The following SNX8 variants were observed in gnomAD, a reference collection of about 807,000 sequenced individuals.
The protein encoded by SNX8 is sorting nexin-8.
In SNX8, 25 loss-of-function variants were observed where a neutral mutation model predicts 51.6. The observed-to-expected ratio is 0.48, with a 90% confidence interval of 0.35 to 0.68. The LOEUF (loss-of-function observed/expected upper bound fraction) is 0.68, where lower values mean the gene tolerates loss of function less well. Among genes scored for constraint, SNX8 ranks in the 30% least tolerant of loss-of-function variants. The pLI is 0.00. For synonymous variants in SNX8, 324 were observed against 277.0 expected, an observed-to-expected ratio of 1.17 and a Z score of -1.68; for missense variants, 695 against 624.0, an observed-to-expected ratio of 1.11 and a Z score of -1.21.
intron 1 of SNX8, among the ~76,000 whole-genome samples, chr7:2,332,308 T>C (rs6945864): frequency 0.42 from 63,795 of 151,600 alleles, 15,556 homozygotes; most frequent in East Asian, 0.64. Context: ...GATATTTACA[T>C]TGACATATTA....
rs147853805 is a variant in SNX8, at chr7:2,295,592, CAAAAAA to C, written c.95-17293_95-17288del. 5.2e-3 allele frequency among the ~76,000 whole-genome samples: 489 copies of C among 93,528 alleles called. 2 individuals carry two copies. The highest frequency in any genetic ancestry group is 0.022 in the African/African-American group (460 of 20,800). 61.4% of individuals were successfully genotyped at this position (93,528 alleles called of 152,430 possible). A position where few individuals can be genotyped will look rare whatever the true frequency, so the allele number is the denominator to read the frequency against. On this transcript the variant is annotated intron_variant, in intron 1 of 10. Coordinates refer to ENST00000222990, the MANE Select transcript of SNX8 (RefSeq NM_013321.4). ...TGGTGGCAGGCGCCTGTAATCCCAG[CAAAAAA>C]AAAAAAAAAAAAAAAAAAAAGGAAA...
At chr7:2,288,866 G>C (rs561956405) in intron 1 of SNX8, among the ~76,000 whole-genome samples, 1 of 152,234 alleles carries the variant, frequency 6.6e-6, no homozygotes, top group South Asian at 2.1e-4. Context: ...CCTGAGTGTA[G>C]CTGGGACCAC....
At chr7:2,260,055 A>G (rs1468556943) in intron 7 of SNX8, among the ~76,000 whole-genome samples, 1 of 152,118 alleles carries the variant, frequency 6.6e-6, no homozygotes, top group African/African-American at 2.4e-5. Context: ...GAAGGTAGGT[A>G]GGTCTGTGTG....
At chr7:2,305,837 T>C (rs1404448039) in intron 1 of SNX8, among the ~76,000 whole-genome samples, 1 of 151,814 alleles carries the variant, frequency 6.6e-6, no homozygotes, top group Non-Finnish European at 1.5e-5. Flanking sequence ...TCCCAGCACT[T>C]TGGGAGGCCG....
chr7:2,272,607 C>T (rs2115124036), intron 3 of SNX8, among the ~76,000 whole-genome samples: 1 of 152,218 alleles, frequency 6.6e-6, no homozygotes, highest in South Asian at 2.1e-4. Context: ...AACTCCTGAC[C>T]TCAGGTGATC....
At chr7:2,279,815 C>A (rs1269316995) in intron 1 of SNX8, among the ~76,000 whole-genome samples, 1 of 150,588 alleles carries the variant, frequency 6.6e-6, no homozygotes, top group East Asian at 1.9e-4. Context: ...GCTCACGAAT[C>A]AGCAAGTACA....
chr7:2,324,770 T>TG (rs920056170), intron 1 of SNX8, among the ~76,000 whole-genome samples: 10 of 152,276 alleles, frequency 6.6e-5, no homozygotes, highest in Admixed American at 1.3e-4. Flanking sequence ...GCATTTGCCC[T>TG]GTGTTATAAA....
intron 1 of SNX8, among the ~76,000 whole-genome samples, chr7:2,290,542 G>A (rs1796128028): frequency 6.6e-6 from 1 of 152,138 alleles, no homozygotes; most frequent in South Asian, 2.1e-4. Flanking sequence ...ACAGTGCCCA[G>A]CACATAATAG....
upstream of SNX8, among the ~76,000 whole-genome samples, chr7:2,317,650 G>A (rs1384790405): frequency 6.6e-6 from 1 of 151,918 alleles, no homozygotes; most frequent in Non-Finnish European, 1.5e-5. Context: ...CCAGAACCAT[G>A]TCAGTTCCTA....
intron 1 of SNX8, among the ~76,000 whole-genome samples, chr7:2,353,251 G>A (rs1779200703): frequency 6.6e-6 from 1 of 152,086 alleles, no homozygotes; most frequent in Admixed American, 6.6e-5. Context: ...CTGCGCGGTG[G>A]TTCACGCTTG....
intron 1 of SNX8, among the ~76,000 whole-genome samples, chr7:2,308,347 G>C (rs1011498152): frequency 1.3e-5 from 2 of 151,856 alleles, no homozygotes; most frequent in Non-Finnish European, 2.9e-5. Context: ...ATAAAAATAA[G>C]TTTGCTCATC....
At chr7:2,344,583 G>T (rs182076697) in intron 1 of SNX8, among the ~76,000 whole-genome samples, 19 of 144,710 alleles carry the variant, frequency 1.3e-4, no homozygotes, top group African/African-American at 4.9e-4. Flanking sequence ...CTGCACTCCA[G>T]CCTGGGTGAC....
At chr7:2,305,323 TCTTAGGAAC>T (rs1248054364) in intron 1 of SNX8, among the ~76,000 whole-genome samples, 3 of 152,178 alleles carry the variant, frequency 2.0e-5, no homozygotes, top group African/African-American at 7.2e-5. Context: ...TACAAAATTA[TCTTAGGAAC>T]CTCAGGTTTT....
intron 1 of SNX8, among the ~76,000 whole-genome samples, chr7:2,335,482 CAAT>C (rs1437755062): frequency 6.6e-6 from 1 of 151,208 alleles, no homozygotes; most frequent in African/African-American, 2.4e-5. Context: ...GAGCCCATCT[CAAT>C]AAAAAAAAGA....
At chr7:2,292,242 AAC>A (rs1203411678) in intron 1 of SNX8, among the ~76,000 whole-genome samples, 1 of 151,924 alleles carries the variant, frequency 6.6e-6, no homozygotes, top group African/African-American at 2.4e-5. Flanking sequence ...CAGCCTGGGC[AAC>A]ACAGTGAGAC....
intron 2 of SNX8, among the ~76,000 whole-genome samples, chr7:2,276,241 C>T (rs1183360550): frequency 2.0e-5 from 3 of 152,206 alleles, no homozygotes; most frequent in Non-Finnish European, 4.4e-5. Context: ...CCCAGGCTGC[C>T]AGGCCCCAGA....
intron 1 of SNX8, among the ~76,000 whole-genome samples, chr7:2,347,922 G>A (rs1286480999): frequency 3.9e-5 from 6 of 152,188 alleles, no homozygotes; most frequent in Middle Eastern, 3.4e-3. Flanking sequence ...GATTACAGGC[G>A]TGAGCCACCA....
intron 1 of SNX8, among the ~76,000 whole-genome samples, chr7:2,304,913 G>A (rs145145188): frequency 2.6e-5 from 4 of 152,250 alleles, no homozygotes; most frequent in Admixed American, 6.5e-5. Context: ...GTGAAATTTC[G>A]GTCCTGAAGA....
chr7:2,295,294 C>T (rs1327681096), intron 1 of SNX8, among the ~76,000 whole-genome samples: 1 of 149,218 alleles, frequency 6.7e-6, no homozygotes, highest in Non-Finnish European at 1.5e-5. Context: ...ATCCCAGCTA[C>T]TCGGGAGTCT....
Sources: allele counts gnomAD v4.1 joint callset (sites outside exome capture counted in the v4.1 genomes callset), GRCh38; gene constraint gnomAD v4.1.1; transcripts MANE v1.5; gene names NCBI Gene and HGNC (gene_info 2026-07-23, HGNC 2026-07-21).